The following HGF variants were observed in gnomAD, a reference collection of about 807,000 sequenced individuals.
HGF encodes hepatocyte growth factor.
A neutral mutation model predicts 111.6 loss-of-function variants in HGF; 39 were observed. The ratio of observed to expected loss-of-function variants is 0.35; its 90% CI spans 0.27 to 0.46. The LOEUF (loss-of-function observed/expected upper bound fraction) is 0.46. Among genes scored for constraint, HGF ranks in the 20% least tolerant of loss-of-function variants. HGF has a pLI of 1.00. For synonymous variants in HGF, 285 were observed against 294.8 expected, an observed-to-expected ratio of 0.97 and a Z score of 0.34; for missense variants, 735 against 910.5, an observed-to-expected ratio of 0.81 and a Z score of 2.48.
chr7:81,756,061 C>G (rs907762433), intron 4 of HGF: 38 of 701,550 alleles, frequency 5.4e-5, no homozygotes, highest in Non-Finnish European at 7.8e-5. Context: ...GTCATCACCA[C>G]CACTGCAAAA....
At chr7:81,709,370 T>C (rs539620842) in intron 13 of HGF, among the ~76,000 whole-genome samples, 1 of 152,300 alleles carries the variant, frequency 6.6e-6, no homozygotes, top group Non-Finnish European at 1.5e-5. Context: ...AAGGTTCTGA[T>C]AGAGATAGCC....
chr7:81,768,847 T>G (rs1789493404), intron 1 of HGF, among the ~76,000 whole-genome samples: 1 of 152,032 alleles, frequency 6.6e-6, no homozygotes, highest in Admixed American at 6.6e-5. Flanking sequence ...GAAAACCAGG[T>G]GGGTTGAATG....
chr7:81,702,845 G>A, intron 17 of HGF, 88 bp from the exon 18 acceptor site: 2 of 1,056,786 alleles, frequency 1.9e-6, no homozygotes, highest in African/African-American at 1.6e-5. Context: ...GCATCTCAGA[G>A]ATATATACAG....
At chr7:81,753,623 AGAGTT>A (rs951134634) in intron 4 of HGF, among the ~76,000 whole-genome samples, 7 of 152,178 alleles carry the variant, frequency 4.6e-5, no homozygotes, top group Admixed American at 2.6e-4. Context: ...AGTGTATTCT[AGAGTT>A]AAGTCTTCAG....
intron 11 of HGF, among the ~76,000 whole-genome samples, chr7:81,713,178 A>G (rs527354149): frequency 6.6e-6 from 1 of 152,330 alleles, no homozygotes; most frequent in South Asian, 2.1e-4. Context: ...CTAATAGGTC[A>G]ACAAAATGCT....
At chr7:81,729,494 A>C in intron 8 of HGF, 111 bp downstream of exon 8, 1 of 794,026 alleles carries the variant, frequency 1.3e-6, no homozygotes, top group Non-Finnish European at 2.2e-6. Context: ...CCTGATTATC[A>C]CTGGGCACGC....
chr7:81,766,894 G>A (rs1444549998), intron 1 of HGF, among the ~76,000 whole-genome samples: 1 of 152,192 alleles, frequency 6.6e-6, no homozygotes, highest in African/African-American at 2.4e-5. Context: ...ACATGGTTGA[G>A]CATGACCTTC....
chr7:81,706,556 A>G, intron 14 of HGF, 129 bp from the exon 15 acceptor site: 1 of 715,094 alleles, frequency 1.4e-6, no homozygotes. Context: ...TCATAGTATA[A>G]TAAAGAACAA....
chr7:81,699,220 A>C lies in HGF; in HGVS notation c.*3361T>G, dbSNP rs1184962380. ...ATAGCATCCACAGTATTTCATTTTCAGTTTCCTAAAGACAGAAACTTTCTG... is the reference window on the plus strand; with the variant it reads ...ATAGCATCCACAGTATTTCATTTTCCGTTTCCTAAAGACAGAAACTTTCTG... On this transcript the variant is annotated 3_prime_UTR_variant, in exon 18 of 18. Transcript: ENST00000222390. 6.6e-6 allele frequency: 1 copy of C among 151,558 alleles called. No homozygotes were observed. Among genetic ancestry groups the C allele is most frequent in the African/African-American group, 2.4e-5 (1 of 41,394 alleles). 9.4% of individuals were successfully genotyped at this position (151,558 alleles called of 1,614,324 possible).
chr7:81,734,456 C>T (rs1187654294), intron 7 of HGF, among the ~76,000 whole-genome samples: 1 of 152,110 alleles, frequency 6.6e-6, no homozygotes, highest in African/African-American at 2.4e-5. Context: ...CCTCTTGGAA[C>T]ATTAATTTCA....
intron 8 of HGF, among the ~76,000 whole-genome samples, chr7:81,728,205 C>A (rs1790070395): frequency 6.6e-6 from 1 of 152,134 alleles, no homozygotes; most frequent in Non-Finnish European, 1.5e-5. Context: ...ACCGCACAAG[C>A]TTTGTTTCTT....
rs2116118964 is a variant in HGF, at chr7:81,752,150, C to T, written c.595G>A (p.Glu199Lys). 1.2e-6 allele frequency: 2 copies of T among 1,613,608 alleles called. No individual in the cohort carries two copies. Among genetic ancestry groups the T allele is most frequent in the Non-Finnish European group, 1.7e-6 (2 of 1,179,598 alleles). Residue 199 changes from glutamate to lysine, a missense_variant, in exon 5 of 18, where the codon GAA (glutamate) becomes AAA (lysine). Physicochemically the swap from Glu to Lys is moderately conservative, Grantham distance 56. This residue lies in a region of HGF where 553 missense variants were observed against 685.6 expected (regional missense o/e 0.81). Transcript: ENST00000222390. ...GAACACTGAGGAATGTCACAGACTT[C>T]GTAGCGTACCTCTGGATTGCTTGTG... ...CFTSNPEVRY[E>K]VCDIPQCSEV...
rs5745651 is a variant in HGF, at chr7:81,751,521, TTGG to T, written c.625+596_625+598del. On this transcript the variant is annotated intron_variant, in intron 5 of 17. Transcript: ENST00000222390. ...TCCATAGACATGCCTTCAAGACAGT[TTGG>T]TGGTCTCCATTGCTTTGATCTCTTC... The T allele has an allele frequency of 0.013, 13,039 of 985,118 alleles. 1,270 individuals are homozygous for T. In the African/African-American group the frequency reaches 0.21, roughly 16 times the overall value. The allele number at this position is 985,118 out of a possible 1,614,324, so 61.0% of individuals were successfully genotyped here.
chr7:81,740,550 A>C (rs183754952), intron 7 of HGF, among the ~76,000 whole-genome samples: 1 of 152,326 alleles, frequency 6.6e-6, no homozygotes, highest in East Asian at 1.9e-4. Context: ...TAATCAGTTG[A>C]CTATAAGTGA....
intron 8 of HGF, among the ~76,000 whole-genome samples, chr7:81,727,552 A>T (rs947381947): frequency 2.8e-5 from 4 of 144,550 alleles, no homozygotes; most frequent in African/African-American, 1.0e-4. Flanking sequence ...ACTGGAATAG[A>T]TGAGACAAGC....
At chr7:81,763,939 C>A (rs952655669) in intron 1 of HGF, among the ~76,000 whole-genome samples, 1 of 152,140 alleles carries the variant, frequency 6.6e-6, no homozygotes, top group Non-Finnish European at 1.5e-5. Flanking sequence ...TTAAAAACCA[C>A]CACTCTGAAC....
intron 13 of HGF, among the ~76,000 whole-genome samples, chr7:81,708,804 C>T (rs925321457): frequency 6.6e-6 from 1 of 151,950 alleles, no homozygotes; most frequent in Admixed American, 6.6e-5. Flanking sequence ...AAAGTCTTTA[C>T]TAAATCCTCA....
chr7:81,727,492 A>T (rs1790049136), intron 8 of HGF, among the ~76,000 whole-genome samples: 3 of 152,200 alleles, frequency 2.0e-5, no homozygotes, highest in Non-Finnish European at 4.4e-5. Context: ...CTGTATAGTT[A>T]AGTGTTCATA....
chr7:81,732,503 A>G (rs1005528591), intron 7 of HGF, among the ~76,000 whole-genome samples: 1 of 152,128 alleles, frequency 6.6e-6, no homozygotes, highest in African/African-American at 2.4e-5. Context: ...GTCAAGGGTG[A>G]TTCGAATTTC....
Sources: gnomAD v4.1 joint callset for allele counts (sites outside exome capture counted in the v4.1 genomes callset) on GRCh38, gnomAD v4.1.1 for gene constraint, gnomAD v4.1.1 regional missense constraint, MANE v1.5 for transcripts, NCBI Gene and HGNC (gene_info 2026-07-23, HGNC 2026-07-21) for gene names.